MAPK8IP2: variants seen among roughly 807,000 people sequenced by gnomAD.
MAPK8IP2 encodes the protein C-Jun-amino-terminal kinase-interacting protein 2.
MAPK8IP2 carries 15 observed loss-of-function variants against 75.6 expected under a neutral mutation model. That is an observed-to-expected ratio of 0.20 (90% CI 0.13 to 0.31). The LOEUF is 0.31. Ranked by LOEUF, MAPK8IP2 falls within the 10% of genes least tolerant of loss-of-function variation. MAPK8IP2 has a pLI of 1.00. For missense variants in MAPK8IP2, 1,089 were observed against 1,211.2 expected, an observed-to-expected ratio of 0.90 and a Z score of 1.50; for synonymous variants, 632 against 554.5, an observed-to-expected ratio of 1.14 and a Z score of -1.96.
intron 3 of MAPK8IP2, 47 bp downstream of exon 3, chr22:50,603,545 A>G (rs2070978270): frequency 1.9e-6 from 3 of 1,576,426 alleles, no homozygotes; most frequent in Admixed American, 1.8e-5. Context: ...CTGGGTTCAT[A>G]GCACCTGGGC....
In MAPK8IP2 at chr22:50,600,805, C is replaced by T. The variant is rs749923441; in HGVS notation, c.-14C>T. 1.1e-5 allele frequency: 14 copies of T among 1,261,588 alleles called. No individual in the cohort carries two copies. In the African/African-American group the frequency reaches 1.8e-4, roughly 16 times the overall value. The allele number at this position is 1,261,588 out of a possible 1,614,324, so 78.1% of individuals were successfully genotyped here. A position where few individuals can be genotyped will look rare whatever the true frequency, so the allele number is the denominator to read the frequency against. Reference sequence around the variant, plus strand: ...CGCACCCCCCGCCGCAGTCGCGGGCCTCTCCCGGAGAAGATGGCGGATCGC... The same window carrying T: ...CGCACCCCCCGCCGCAGTCGCGGGCTTCTCCCGGAGAAGATGGCGGATCGC... On this transcript the variant is annotated 5_prime_UTR_variant, in exon 1 of 12. Transcript: ENST00000329492.
At chr22:50,608,239 C>T (rs1031062342) in intron 10 of MAPK8IP2, among the ~76,000 whole-genome samples, 2 of 152,280 alleles carry the variant, frequency 1.3e-5, no homozygotes, top group Non-Finnish European at 2.9e-5. Context: ...CATGCGGAAA[C>T]GCTGCTCAGT....
At position 50,604,012 on chromosome 22, in the gene MAPK8IP2, G is replaced by A; in HGVS notation, c.713G>A (p.Gly238Asp). The A allele has an allele frequency of 1.3e-6, 2 of 1,556,794 alleles. No homozygotes were observed. Among genetic ancestry groups the A allele is most frequent in the Non-Finnish European group, 1.7e-6 (2 of 1,159,322 alleles). Residue 238 changes from glycine (G) to aspartate (D), a missense_variant, in exon 5 of 12, where the codon GGC becomes GAC. Transcript: ENST00000329492. ...IEADLRSRSSGGRGGRRSSQE... is the reference protein window; with the variant it reads ...IEADLRSRSSDGRGGRRSSQE... The stretch of plus-strand genomic sequence containing the variant: ...GCTGACCTGAGAAGCCGCTCGAGCG[G>A]CGGCCGCGGGGGACGTCGCAGCAGC...
At position 50,604,304 on chromosome 22, in the gene MAPK8IP2, G is replaced by A. The variant is rs1386550135; in HGVS notation, c.1005G>A (p.Ser335=). 4 of 1,551,532 alleles carry A rather than the reference G, an allele frequency of 2.6e-6. No homozygotes were observed. Among genetic ancestry groups the A allele is most frequent in the South Asian group, 2.3e-5 (2 of 85,270 alleles). The part of the protein sequence containing the change: ...DDTNSEYESG[S]ESEPDLSEDA... ...CCAACAGCGAGTACGAGTCGGGGTC[G>A]GAGTCGGAGCCGGACCTCAGCGAGG... The change falls in exon 5 of 12, where the codon TCG becomes TCA. Residue 335 remains serine, a synonymous_variant. Transcript: ENST00000329492.
At position 50,601,414 on chromosome 22, in the gene MAPK8IP2, C is replaced by T. The variant is rs371944202; in HGVS notation, c.66-375C>T. 24 of 229,704 alleles carry T rather than the reference C, an allele frequency of 1.0e-4. No individual in the cohort carries two copies. In the South Asian group the frequency reaches 1.6e-3, roughly 15 times the overall value. 14.2% of individuals were successfully genotyped at this position (229,704 alleles called of 1,614,324 possible). A position where few individuals can be genotyped will look rare whatever the true frequency, so the allele number is the denominator to read the frequency against. ...GAGACAAACAGGCCAGACTCTCTTC[C>T]CAGAGCAGGAGCGACCCCTCCCCAT... On this transcript the variant is annotated intron_variant, in intron 1 of 11. Coordinates refer to ENST00000329492, the MANE Select transcript of MAPK8IP2 (RefSeq NM_012324.6).
intron 10 of MAPK8IP2, among the ~76,000 whole-genome samples, chr22:50,608,761 C>A (rs1173758096): frequency 2.2e-5 from 3 of 133,870 alleles, no homozygotes; most frequent in Non-Finnish European, 3.2e-5. Context: ...CTGGGGTCAC[C>A]GGGACAGCGG....
chr22:50,603,645 G>A lies in MAPK8IP2; in HGVS notation c.467G>A (p.Gly156Glu), dbSNP rs1351720598. Residue 156 changes from glycine (G) to glutamate (E), a missense_variant, in exon 4 of 12, where the codon GGA becomes GAA. By Grantham distance (98) the Gly-to-Glu change is moderately conservative. Around this residue, in one of 2 missense-constraint regions of MAPK8IP2, gnomAD observed 960 missense variants for 1,009.6 expected, o/e 0.95. Transcript: ENST00000329492. The stretch of plus-strand genomic sequence containing the variant: ...CCCCAGGACTCCCTAAACAACAACG[G>A]AGGCTTTGACCTGGTGCGTCCGGCC... ...LGAQDSLNNN[G>E]GFDLVRPASW... is the part of the protein sequence containing the mutation. 2 of 1,594,638 alleles carry A rather than the reference G, an allele frequency of 1.3e-6. No homozygotes were observed. Among genetic ancestry groups the A allele is most frequent in the Middle Eastern group, 1.6e-4 (1 of 6,072 alleles).
chr22:50,604,692 GCCGCCTGCT>G lies in MAPK8IP2; in HGVS notation c.1397_1405del (p.Ala466_Ser468del). On this transcript the variant is annotated inframe_deletion, in exon 5 of 12. Transcript: ENST00000329492. Reference sequence around the variant, plus strand: ...CGCCCGCCCGGGACGAGCCTGCTCCGCCGCCTGCTCCGAGGAGGAGGACGAAGAGGACGA... The same window carrying G: ...CGCCCGCCCGGGACGAGCCTGCTCCGCCGAGGAGGAGGACGAAGAGGACGA... 2 of 1,525,820 alleles carry G rather than the reference GCCGCCTGCT, an allele frequency of 1.3e-6. No individual in the cohort carries two copies. Among genetic ancestry groups the G allele is most frequent in the South Asian group, 2.5e-5 (2 of 81,528 alleles). The allele number at this position is 1,525,820 out of a possible 1,614,324, so 94.5% of individuals were successfully genotyped here. A position where few individuals can be genotyped will look rare whatever the true frequency, so the allele number is the denominator to read the frequency against.
intron 1 of MAPK8IP2, chr22:50,601,132 C>A (rs1019963611): frequency 4.4e-5 from 7 of 159,192 alleles, no homozygotes; most frequent in African/African-American, 1.4e-4. Flanking sequence ...TGAGCCGCGC[C>A]CGGCCTGGAC....
rs1307530050 is a variant in MAPK8IP2, at chr22:50,613,121, G to C, written c.*2342G>C. The C allele has an allele frequency of 1.3e-5, 2 of 152,758 alleles. No individual in the cohort carries two copies. The highest frequency in any genetic ancestry group is 1.5e-5 in the Non-Finnish European group (1 of 68,526). 9.5% of individuals were successfully genotyped at this position (152,758 alleles called of 1,614,324 possible). ...GGCTTCATCCCTCCCACAGTTTCGA[G>C]GGTTTCCCTGTGCTCAGGCCCCTGG... On this transcript the variant is annotated 3_prime_UTR_variant, in exon 12 of 12. Transcript: ENST00000329492.
In MAPK8IP2 at chr22:50,606,762, C is replaced by T. The variant is rs1140555; in HGVS notation, c.2229C>T (p.Pro743=). ...GVKLSLSGGG[P]EFQRCSHFFQ... ...AGCTGAGTCTGAGCGGAGGAGGGCC[C>T]GAGGTGGGAGTGTGGGGGACTGGGG... Residue 743 remains proline (P), a synonymous_variant, in exon 9 of 12, where the codon CCC becomes CCT. Coordinates refer to ENST00000329492, the MANE Select transcript of MAPK8IP2 (RefSeq NM_012324.6). 988,696 of 1,573,926 alleles carry T rather than the reference C, an allele frequency of 0.63. 314,007 individuals are homozygous for T. The highest frequency in any genetic ancestry group is 0.81 in the East Asian group (34,704 of 42,626).
Position 50,603,509 on chromosome 22 carries a change from G to A in MAPK8IP2, c.447+11G>A, listed in dbSNP as rs756543641. On this transcript the variant is annotated intron_variant, in intron 3 of 11. Transcript: ENST00000329492. ...ACACTGGGGGCCCAGGTGAGTGCCC[G>A]GACCCACAGCTCCCTGGAGCTGAGC... 3 of 1,564,384 alleles carry A rather than the reference G, an allele frequency of 1.9e-6. No homozygotes were observed. Among genetic ancestry groups the A allele is most frequent in the Non-Finnish European group, 2.6e-6 (3 of 1,151,072 alleles).
At position 50,603,977 on chromosome 22, in the gene MAPK8IP2, C is replaced by T. The variant is rs751775572; in HGVS notation, c.678C>T (p.Pro226=). The T allele has an allele frequency of 2.2e-5, 34 of 1,558,074 alleles. No homozygotes were observed. In the African/African-American group the frequency reaches 3.1e-4, roughly 14 times the overall value. The change falls in exon 5 of 12, where the codon CCC becomes CCT. Residue 226 remains proline, a synonymous_variant. Coordinates refer to ENST00000329492, the MANE Select transcript of MAPK8IP2 (RefSeq NM_012324.6). ...APGGTSPSSD[P]GIEADLRSRS... Reference sequence around the variant, plus strand: ...GGGGGACTTCGCCCTCCTCAGATCCCGGCATCGAGGCTGACCTGAGAAGCC... The same window carrying T: ...GGGGGACTTCGCCCTCCTCAGATCCTGGCATCGAGGCTGACCTGAGAAGCC...
At chr22:50,606,885 C>T in intron 9 of MAPK8IP2, 36 bp from the exon 10 acceptor site, 2 of 1,610,932 alleles carry the variant, frequency 1.2e-6, no homozygotes, top group African/African-American at 1.3e-5. Flanking sequence ...GCCAGGCCTC[C>T]TTTGACACAG....
Position 50,604,682 on chromosome 22 carries a change from A to AGCCTGCTCCGCC in MAPK8IP2, c.1394_1405dup (p.Ala465_Ser468dup), listed in dbSNP as rs1318884910. On this transcript the variant is annotated inframe_insertion, in exon 5 of 12. Transcript: ENST00000329492. ...CCGGCCGCGCCGCCCGCCCGGGACG[A>AGCCTGCTCCGCC]GCCTGCTCCGCCGCCTGCTCCGAGG... is the stretch of plus-strand genomic sequence containing the variant. The AGCCTGCTCCGCC allele has an allele frequency of 1.3e-6, 2 of 1,525,058 alleles. No individual in the cohort carries two copies. The highest frequency in any genetic ancestry group is 1.2e-5 in the South Asian group (1 of 81,654). The allele number at this position is 1,525,058 out of a possible 1,614,324, so 94.5% of individuals were successfully genotyped here.
intron 3 of MAPK8IP2, 23 bp from the exon 4 acceptor site, chr22:50,603,602 CG>C: frequency 6.3e-7 from 1 of 1,586,830 alleles, no homozygotes; most frequent in Non-Finnish European, 8.6e-7. Flanking sequence ...TCCTCAGGAC[CG>C]CCGTCATGTA....
In MAPK8IP2 at chr22:50,612,378, C is replaced by T. The variant is rs1456231151; in HGVS notation, c.*1599C>T. 2 of 152,094 alleles carry T rather than the reference C, an allele frequency of 1.3e-5. No individual in the cohort carries two copies. The highest frequency in any genetic ancestry group is 4.8e-5 in the African/African-American group (2 of 41,406). 9.4% of individuals were successfully genotyped at this position (152,094 alleles called of 1,614,324 possible). A position where few individuals can be genotyped will look rare whatever the true frequency, so the allele number is the denominator to read the frequency against. ...TGGCCGGGGTCCCTCTGTCTGAGCC[C>T]AGGATTCGTGCAACACCAGGAAGAC... On this transcript the variant is annotated 3_prime_UTR_variant, in exon 12 of 12. Transcript: ENST00000329492.
chr22:50,608,419 C>A (rs2071087020), intron 10 of MAPK8IP2, among the ~76,000 whole-genome samples: 1 of 117,684 alleles, frequency 8.5e-6, no homozygotes. Flanking sequence ...GGGGCCAGCT[C>A]TGGGGTCACC....
intron 10 of MAPK8IP2, among the ~76,000 whole-genome samples, chr22:50,608,037 G>A (rs1457624330): frequency 6.6e-6 from 1 of 152,148 alleles, no homozygotes; most frequent in Non-Finnish European, 1.5e-5. Flanking sequence ...GGAGTTGGAG[G>A]AAGCAGGCTC....
Sources: gnomAD v4.1 joint callset for allele counts (sites outside exome capture counted in the v4.1 genomes callset) on GRCh38, gnomAD v4.1.1 for gene constraint, gnomAD v4.1.1 regional missense constraint, MANE v1.5 for transcripts, NCBI Gene and HGNC (gene_info 2026-07-23, HGNC 2026-07-21) for gene names.